Variants in MAST4 observed in about 807,000 individuals in gnomAD.
The protein encoded by MAST4 is microtubule associated serine/threonine kinase family member 4.
Under a neutral mutation model 162.7 loss-of-function variants are expected in MAST4, and 89 were observed. The ratio of observed to expected loss-of-function variants is 0.55; its 90% CI spans 0.46 to 0.65. The LOEUF (loss-of-function observed/expected upper bound fraction) is 0.65, where lower values mean the gene tolerates loss of function less well. Ranked by LOEUF, MAST4 falls within the 30% of genes least tolerant of loss-of-function variation. The pLI is 0.00. For synonymous variants in MAST4, 1,479 were observed against 1,361.1 expected, an observed-to-expected ratio of 1.09 and a Z score of -1.91; for missense variants, 3,153 against 3,374.0, an observed-to-expected ratio of 0.93 and a Z score of 1.62.
At chr5:66,997,121 A>C (rs1020371816) in intron 4 of MAST4, among the ~76,000 whole-genome samples, 2 of 152,134 alleles carry the variant, frequency 1.3e-5, no homozygotes, top group African/African-American at 4.8e-5. Context: ...CTTTTGTATA[A>C]ATATTGCATA....
At chr5:67,041,518 G>T (rs1031555037) in intron 4 of MAST4, among the ~76,000 whole-genome samples, 1 of 152,206 alleles carries the variant, frequency 6.6e-6, no homozygotes, top group Non-Finnish European at 1.5e-5. Flanking sequence ...AAGTACTCTA[G>T]AATTATTTTG....
At chr5:66,763,610 AAT>A (rs759856779) in intron 2 of MAST4, among the ~76,000 whole-genome samples, 16 of 152,208 alleles carry the variant, frequency 1.1e-4, no homozygotes, top group Non-Finnish European at 1.9e-4. Flanking sequence ...TATTATAAAA[AAT>A]ATGTTTTAAT....
At chr5:66,629,420 C>G (rs1744654339) in intron 1 of MAST4, among the ~76,000 whole-genome samples, 1 of 152,136 alleles carries the variant, frequency 6.6e-6, no homozygotes, top group African/African-American at 2.4e-5. Flanking sequence ...CCTTTGGAAG[C>G]CTTTTTCTTT....
Position 67,133,438 on chromosome 5 carries a change from G to A in MAST4, c.2094-76G>A, listed in dbSNP as rs140766642. On this transcript the variant is annotated intron_variant, in intron 16 of 28. Transcript: ENST00000403625. ...ATATTAAATAGTCTTAGAAACTGAG[G>A]GGGGAAGGGAGGAAATGAAAATAGA... 7.0e-4 allele frequency: 1,058 copies of A among 1,504,968 alleles called. 1 individual carries two copies. The highest frequency in any genetic ancestry group is 9.1e-4 in the Non-Finnish European group (1,002 of 1,096,828). 93.2% of individuals were successfully genotyped at this position (1,504,968 alleles called of 1,614,324 possible). A position where few individuals can be genotyped will look rare whatever the true frequency, so the allele number is the denominator to read the frequency against.
intron 1 of MAST4, among the ~76,000 whole-genome samples, chr5:66,691,169 T>C (rs1184237389): frequency 1.3e-5 from 2 of 152,200 alleles, no homozygotes; most frequent in Admixed American, 6.5e-5. Flanking sequence ...TCGGTTTTCT[T>C]CTTCCTACAA....
At chr5:66,846,648 A>C (rs1758877982) in intron 3 of MAST4, among the ~76,000 whole-genome samples, 2 of 152,164 alleles carry the variant, frequency 1.3e-5, no homozygotes, top group Admixed American at 1.3e-4. Flanking sequence ...AAATTTCTGG[A>C]ACATTCTCTT....
chr5:66,965,081 T>C (rs761447781), intron 4 of MAST4, among the ~76,000 whole-genome samples: 1 of 152,162 alleles, frequency 6.6e-6, no homozygotes. Context: ...CTTGGAACTT[T>C]AGTTCTACTC....
chr5:66,823,680 A>G (rs1049522215), intron 3 of MAST4, among the ~76,000 whole-genome samples: 1 of 152,128 alleles, frequency 6.6e-6, no homozygotes, highest in Non-Finnish European at 1.5e-5. Context: ...GGGTTTCACC[A>G]TGTTGGTCTC....
chr5:67,008,132 C>G (rs1035114727), intron 4 of MAST4, among the ~76,000 whole-genome samples: 13 of 152,202 alleles, frequency 8.5e-5, no homozygotes, highest in Admixed American at 8.5e-4. Flanking sequence ...CCTCTCCCTT[C>G]CCCTCATTTC....
intron 1 of MAST4, among the ~76,000 whole-genome samples, chr5:66,626,988 A>G (rs1251726758): frequency 6.6e-6 from 1 of 152,192 alleles, no homozygotes; most frequent in Non-Finnish European, 1.5e-5. Context: ...AAAGGATACT[A>G]AGTCAAATGG....
At chr5:66,942,348 G>T (rs1002516584) in intron 4 of MAST4, among the ~76,000 whole-genome samples, 42 of 152,134 alleles carry the variant, frequency 2.8e-4, no homozygotes, top group African/African-American at 1.0e-3. Flanking sequence ...ATACATGTTT[G>T]TATGTGCATG....
intron 4 of MAST4, among the ~76,000 whole-genome samples, chr5:66,957,457 T>C (rs1745456330): frequency 6.6e-6 from 1 of 152,160 alleles, no homozygotes; most frequent in African/African-American, 2.4e-5. Flanking sequence ...ATCCATTATA[T>C]CTTTTTAGTA....
chr5:66,937,573 T>C lies in MAST4; in HGVS notation c.674+37591T>C, dbSNP rs374354728. Among the ~76,000 whole-genome samples the C allele has an allele frequency of 2.3e-4, 35 of 152,336 alleles. 1 individual carries two copies. Among genetic ancestry groups the C allele is most frequent in the African/African-American group, 8.4e-4 (35 of 41,576 alleles). The stretch of plus-strand genomic sequence containing the variant: ...TTGTGGTCTGTATTTTCTTTAGCCA[T>C]TACTACACTATTTTTAACAAGGGTA... On this transcript the variant is annotated intron_variant, in intron 4 of 28. Coordinates refer to ENST00000403625, the MANE Select transcript of MAST4 (RefSeq NM_001164664.2).
chr5:66,699,022 C>T (rs752273451), intron 1 of MAST4, among the ~76,000 whole-genome samples: 1 of 152,210 alleles, frequency 6.6e-6, no homozygotes, highest in African/African-American at 2.4e-5. Flanking sequence ...TATCATTTCT[C>T]TGCTTAGAAT....
intron 1 of MAST4, among the ~76,000 whole-genome samples, chr5:66,727,711 GT>G (rs1272154924): frequency 6.6e-6 from 1 of 151,808 alleles, no homozygotes; most frequent in Non-Finnish European, 1.5e-5. Flanking sequence ...GAGGGCTATC[GT>G]TTTTTTTCCT....
intron 23 of MAST4, 81 bp downstream of exon 23, chr5:67,145,460 C>A: frequency 1.7e-6 from 2 of 1,209,578 alleles, no homozygotes; most frequent in Non-Finnish European, 2.3e-6. Context: ...GCGGGCCTCG[C>A]CAGGCAGTAA....
chr5:67,118,211 C>T (rs967101232), intron 12 of MAST4, among the ~76,000 whole-genome samples: 3 of 152,192 alleles, frequency 2.0e-5, no homozygotes, highest in Non-Finnish European at 2.9e-5. Context: ...ATTACAAATT[C>T]TTAATGTCTC....
rs540972175 is a variant in MAST4 at position 66,667,985 on chromosome 5, A to G, written c.363+70967A>G. Among the ~76,000 whole-genome samples the G allele has an allele frequency of 1.3e-5, 2 of 152,268 alleles. 1 individual carries two copies. The highest frequency in any genetic ancestry group is 4.1e-4 in the South Asian group (2 of 4,826). On this transcript the variant is annotated intron_variant, in intron 1 of 28. Transcript: ENST00000403625. ...TTTATTGAATCATTTCCTATTCACTATATGGTAAGGAAAATCTTCCATTTG... is the reference window on the plus strand; with the variant it reads ...TTTATTGAATCATTTCCTATTCACTGTATGGTAAGGAAAATCTTCCATTTG...
At chr5:66,931,680 C>T (rs1448098970) in intron 4 of MAST4, among the ~76,000 whole-genome samples, 5 of 152,004 alleles carry the variant, frequency 3.3e-5, no homozygotes, top group Admixed American at 6.6e-5. Context: ...TCATGCAATA[C>T]CTGGCCTCCA....
Sources: allele counts gnomAD v4.1 joint callset (sites outside exome capture counted in the v4.1 genomes callset), GRCh38; gene constraint gnomAD v4.1.1; transcripts MANE v1.5; gene names NCBI Gene and HGNC (gene_info 2026-07-23, HGNC 2026-07-21).